Variants in GRM8 observed in about 807,000 individuals in gnomAD.
The protein encoded by GRM8 is metabotropic glutamate receptor 8.
Under a neutral mutation model 87.2 loss-of-function variants are expected in GRM8, and 47 were observed. The observed-to-expected ratio is 0.54, with a 90% CI of 0.43 to 0.69. The LOEUF is 0.69. Among genes scored for constraint, GRM8 ranks in the 30% least tolerant of loss-of-function variants. The probability of loss-of-function intolerance (pLI) is 0.00; values close to 1 mark genes in which losing one functional copy is unlikely to be tolerated. For synonymous variants in GRM8, 396 were observed against 404.5 expected, an observed-to-expected ratio of 0.98 and a Z score of 0.25; for missense variants, 1,019 against 1,139.2, an observed-to-expected ratio of 0.89 and a Z score of 1.52.
chr7:127,008,221 C>A (rs1814516676), intron 3 of GRM8, among the ~76,000 whole-genome samples: 1 of 151,832 alleles, frequency 6.6e-6, no homozygotes, highest in East Asian at 1.9e-4. Context: ...TCATGTAGAC[C>A]CAAATATCCA....
intron 7 of GRM8, among the ~76,000 whole-genome samples, chr7:126,643,319 AATATATATAT>A (rs1198296006): frequency 0.04 from 1,429 of 35,576 alleles, 16 homozygotes; most frequent in African/African-American, 0.043. Flanking sequence ...AAAAAAAAAA[AATATATATAT>A]ATATATATAT....
chr7:127,055,253 T>C (rs1335865746), intron 3 of GRM8, among the ~76,000 whole-genome samples: 2 of 152,068 alleles, frequency 1.3e-5, no homozygotes, highest in African/African-American at 2.4e-5. Flanking sequence ...AAGAAGGACA[T>C]GGCATCTATC....
intron 9 of GRM8, among the ~76,000 whole-genome samples, chr7:126,493,767 C>A (rs1405997346): frequency 6.6e-6 from 1 of 151,952 alleles, no homozygotes; most frequent in Non-Finnish European, 1.5e-5. Flanking sequence ...TTTCAACTAC[C>A]AACTCTATAT....
chr7:126,873,951 G>A (rs190208601), intron 6 of GRM8, among the ~76,000 whole-genome samples: 19 of 152,162 alleles, frequency 1.2e-4, no homozygotes, highest in Non-Finnish European at 1.8e-4. Flanking sequence ...TTAGTAAGTA[G>A]TGTTATTCTT....
intron 7 of GRM8, among the ~76,000 whole-genome samples, chr7:126,625,156 G>T (rs185093209): frequency 1.4e-4 from 22 of 152,262 alleles, no homozygotes; most frequent in African/African-American, 5.1e-4. Context: ...AAAGCTTCAA[G>T]AATAGTGTAG....
At chr7:126,939,634 A>T (rs543325219) in intron 3 of GRM8, among the ~76,000 whole-genome samples, 6 of 152,312 alleles carry the variant, frequency 3.9e-5, no homozygotes, top group African/African-American at 1.4e-4. Context: ...TTTGAGACCC[A>T]CTGGTTGTAG....
intron 7 of GRM8, among the ~76,000 whole-genome samples, chr7:126,682,343 C>T (rs923469411): frequency 2.0e-5 from 3 of 152,206 alleles, no homozygotes; most frequent in Admixed American, 6.5e-5. Flanking sequence ...AGACATAATA[C>T]ATCTCAGGCA....
intron 9 of GRM8, among the ~76,000 whole-genome samples, chr7:126,455,752 A>G (rs1451470372): frequency 6.6e-6 from 1 of 151,696 alleles, no homozygotes; most frequent in Non-Finnish European, 1.5e-5. Context: ...CTACATGCAG[A>G]AGACATTGCT....
At chr7:126,926,608 G>C (rs1161023415) in intron 3 of GRM8, among the ~76,000 whole-genome samples, 1 of 152,110 alleles carries the variant, frequency 6.6e-6, no homozygotes, top group Non-Finnish European at 1.5e-5. Flanking sequence ...TACTTCAATA[G>C]CATGTTATTT....
intron 2 of GRM8, among the ~76,000 whole-genome samples, chr7:127,171,859 AG>A (rs754235376): frequency 1.3e-5 from 2 of 152,228 alleles, no homozygotes; most frequent in Non-Finnish European, 2.9e-5. Context: ...CCAGTTATAC[AG>A]CTGACTCCAG....
Position 126,865,021 on chromosome 7 carries a change from A to G in GRM8, c.1156+37521T>C, listed in dbSNP as rs1240670320. ...CTGGACAAATAACCAGTTTTCTTTC[A>G]GCTTCCTAAGGCTGTGGAGACTTTT... On this transcript the variant is annotated intron_variant, in intron 6 of 10. Transcript: ENST00000339582. Among the ~76,000 whole-genome samples the G allele has an allele frequency of 2.0e-5, 3 of 152,188 alleles. No homozygotes were observed. In the East Asian group the frequency reaches 5.8e-4, roughly 29 times the overall value.
intron 7 of GRM8, among the ~76,000 whole-genome samples, chr7:126,697,578 C>T (rs1415548709): frequency 2.0e-5 from 3 of 152,078 alleles, no homozygotes; most frequent in Non-Finnish European, 2.9e-5. Context: ...CTGGACAACA[C>T]ATTAACACAT....
At chr7:127,096,218 G>A (rs1180491209) in intron 3 of GRM8, among the ~76,000 whole-genome samples, 1 of 152,176 alleles carries the variant, frequency 6.6e-6, no homozygotes, top group Non-Finnish European at 1.5e-5. Flanking sequence ...ATTCAGGCCA[G>A]TAAGAACACT....
intron 2 of GRM8, among the ~76,000 whole-genome samples, chr7:127,110,453 G>A (rs932471451): frequency 6.6e-5 from 10 of 151,996 alleles, no homozygotes; most frequent in African/African-American, 1.9e-4. Context: ...CTGCATATTT[G>A]AAAACACCTG....
At chr7:127,184,385 G>A (rs1794631701) in intron 2 of GRM8, among the ~76,000 whole-genome samples, 1 of 151,634 alleles carries the variant, frequency 6.6e-6, no homozygotes, top group Admixed American at 6.6e-5. Flanking sequence ...ACATTAACAG[G>A]CTAAGGGAAA....
chr7:127,028,253 T>A (rs1030485173), intron 3 of GRM8, among the ~76,000 whole-genome samples: 2 of 152,206 alleles, frequency 1.3e-5, no homozygotes, highest in Non-Finnish European at 2.9e-5. Flanking sequence ...TATTAAGGAT[T>A]TTCGCATTGA....
intron 3 of GRM8, among the ~76,000 whole-genome samples, chr7:127,053,798 A>AG (rs33927872): frequency 0.082 from 8,582 of 104,260 alleles, 1,014 homozygotes; most frequent in African/African-American, 0.21. Flanking sequence ...AAAAAAAAAA[A>AG]GGGGGGGGGG....
chr7:126,810,959 G>A (rs1793228273), intron 6 of GRM8, among the ~76,000 whole-genome samples: 1 of 151,986 alleles, frequency 6.6e-6, no homozygotes, highest in East Asian at 1.9e-4. Flanking sequence ...AAATATTCAG[G>A]AGAGTTTTCC....
chr7:127,233,722 G>C (rs1797827403), intron 2 of GRM8, among the ~76,000 whole-genome samples: 1 of 152,190 alleles, frequency 6.6e-6, no homozygotes, highest in South Asian at 2.1e-4. Flanking sequence ...CCTAATCCCA[G>C]AGGGAGCCTT....
Sources: gnomAD v4.1 joint callset for allele counts (sites outside exome capture counted in the v4.1 genomes callset) on GRCh38, gnomAD v4.1.1 for gene constraint, MANE v1.5 for transcripts, NCBI Gene and HGNC (gene_info 2026-07-23, HGNC 2026-07-21) for gene names.